The following FAR2 variants were observed in gnomAD, a reference collection of about 807,000 sequenced individuals.
FAR2 encodes the protein epididymis secretory protein Li 81.
Under a neutral mutation model 56.0 loss-of-function variants are expected in FAR2, and 19 were observed. The observed-to-expected ratio is 0.34, with a 90% CI of 0.24 to 0.50. The LOEUF (loss-of-function observed/expected upper bound fraction) is 0.50, where lower values mean the gene tolerates loss of function less well. Among genes scored for constraint, FAR2 ranks in the 20% least tolerant of loss-of-function variants. The pLI, the probability that FAR2 is intolerant of heterozygous loss-of-function variation, is 0.98. For missense variants in FAR2, 508 were observed against 642.2 expected, an observed-to-expected ratio of 0.79 and a Z score of 2.26; for synonymous variants, 219 against 218.8, an observed-to-expected ratio of 1.00 and a Z score of -0.01.
intron 9 of FAR2, among the ~76,000 whole-genome samples, chr12:29,319,063 G>A (rs1002738349): frequency 2.6e-5 from 4 of 151,024 alleles, no homozygotes; most frequent in African/African-American, 7.3e-5. Flanking sequence ...AGATCTCAGC[G>A]CACTGCAACC....
intron 9 of FAR2, among the ~76,000 whole-genome samples, chr12:29,319,082 C>T (rs1299083618): frequency 1.3e-5 from 2 of 151,852 alleles, no homozygotes; most frequent in African/African-American, 4.8e-5. Flanking sequence ...CCTCTGCCTC[C>T]TGGGTTCAAG....
chr12:29,330,602 GAAC>G (rs1236759568), intron 10 of FAR2, among the ~76,000 whole-genome samples: 2 of 152,160 alleles, frequency 1.3e-5, no homozygotes, highest in Non-Finnish European at 2.9e-5. Flanking sequence ...TAGCCTTAGA[GAAC>G]TACTAAATCT....
intron 1 of FAR2, among the ~76,000 whole-genome samples, chr12:29,186,714 T>TTGTGCACA (rs1300166356): frequency 6.6e-6 from 1 of 152,068 alleles, no homozygotes; most frequent in Non-Finnish European, 1.5e-5. Flanking sequence ...CACAAGTTTC[T>TTGTGCACA]AGCCCTTCTT....
intron 1 of FAR2, among the ~76,000 whole-genome samples, chr12:29,202,152 A>G (rs1261615694): frequency 2.6e-5 from 4 of 151,942 alleles, no homozygotes; most frequent in Non-Finnish European, 2.9e-5. Context: ...ATTATTTTCT[A>G]TTAATTATCT....
intron 2 of FAR2, among the ~76,000 whole-genome samples, chr12:29,274,990 C>CT (rs142710010): frequency 1 from 150,385 of 150,390 alleles, 75,190 homozygotes; most frequent in Middle Eastern, 1. Context: ...GGGGACCTCC[C>CT]TGGGAGATCA....
At chr12:29,169,881 G>C (rs1377168764) in intron 1 of FAR2, among the ~76,000 whole-genome samples, 1 of 152,212 alleles carries the variant, frequency 6.6e-6, no homozygotes, top group Non-Finnish European at 1.5e-5. Context: ...GGTATTAGTT[G>C]TATGGCCCTG....
intron 3 of FAR2, among the ~76,000 whole-genome samples, chr12:29,294,642 G>C (rs1949027741): frequency 6.6e-6 from 1 of 152,202 alleles, no homozygotes; most frequent in Non-Finnish European, 1.5e-5. Context: ...GAGCCACTGT[G>C]CCTGGCCATT....
At chr12:29,262,226 AT>A (rs1260380346) in intron 1 of FAR2, among the ~76,000 whole-genome samples, 1 of 152,146 alleles carries the variant, frequency 6.6e-6, no homozygotes, top group Non-Finnish European at 1.5e-5. Context: ...TGTTTATGCA[AT>A]CAGTGTTAAG....
intron 1 of FAR2, among the ~76,000 whole-genome samples, chr12:29,238,309 ATTATT>A (rs941842148): frequency 4.4e-4 from 67 of 152,288 alleles, no homozygotes; most frequent in Middle Eastern, 6.8e-3. Context: ...AAGATGTTAA[ATTATT>A]TTAACACTAA....
At chr12:29,219,644 G>T (rs1250603893) in intron 1 of FAR2, among the ~76,000 whole-genome samples, 1 of 151,950 alleles carries the variant, frequency 6.6e-6, no homozygotes, top group Non-Finnish European at 1.5e-5. Context: ...AAAAAGAGAA[G>T]GAACCATTGA....
At chr12:29,248,269 T>G (rs1423359019) in intron 1 of FAR2, among the ~76,000 whole-genome samples, 3 of 152,186 alleles carry the variant, frequency 2.0e-5, no homozygotes, top group Non-Finnish European at 4.4e-5. Context: ...CCTGCCCCAA[T>G]ATTCACATAA....
chr12:29,296,298 C>T (rs1427423921), intron 3 of FAR2, among the ~76,000 whole-genome samples: 1 of 152,158 alleles, frequency 6.6e-6, no homozygotes, highest in African/African-American at 2.4e-5. Context: ...ATTATTCCTA[C>T]CACTGACGTT....
intron 1 of FAR2, among the ~76,000 whole-genome samples, chr12:29,165,854 G>GA (rs1034457287): frequency 1.3e-5 from 2 of 151,796 alleles, no homozygotes; most frequent in South Asian, 2.1e-4. Context: ...TGGTAATTAA[G>GA]AAAAAAAATA....
At chr12:29,308,203 A>G (rs1949284377) in intron 5 of FAR2, among the ~76,000 whole-genome samples, 1 of 152,220 alleles carries the variant, frequency 6.6e-6, no homozygotes, top group African/African-American at 2.4e-5. Context: ...AGGGTAAACA[A>G]GAGTTTCAAA....
Position 29,310,633 on chromosome 12 carries a change from G to A in FAR2, c.769-395G>A, listed in dbSNP as rs1031000382. On this transcript the variant is annotated intron_variant, in intron 6 of 11. Transcript: ENST00000536681. The stretch of plus-strand genomic sequence containing the variant: ...CCTAGCAGAAAACAAAATCATCAAG[G>A]AAATGGTAAACAAATATTAATGGGA... 5.3e-5 allele frequency among the ~76,000 whole-genome samples: 8 copies of A among 152,076 alleles called. No homozygotes were observed. The South Asian group carries it at 8.3e-4, about 16-fold the overall frequency.
chr12:29,165,863 T>C (rs1463096498), intron 1 of FAR2, among the ~76,000 whole-genome samples: 3 of 152,154 alleles, frequency 2.0e-5, no homozygotes, highest in Admixed American at 6.6e-5. Flanking sequence ...AGAAAAAAAA[T>C]ATAGAACAGA....
At chr12:29,278,236 A>T (rs1325324304) in intron 2 of FAR2, among the ~76,000 whole-genome samples, 2 of 151,740 alleles carry the variant, frequency 1.3e-5, no homozygotes, top group Non-Finnish European at 2.9e-5. Context: ...TGGTTTATAT[A>T]TATTTTCAAT....
At chr12:29,204,723 G>A (rs542394833) in intron 1 of FAR2, among the ~76,000 whole-genome samples, 76 of 152,310 alleles carry the variant, frequency 5.0e-4, no homozygotes, top group Middle Eastern at 3.4e-3. Flanking sequence ...CAATCATGGC[G>A]GAAGGGGAAG....
intron 1 of FAR2, among the ~76,000 whole-genome samples, chr12:29,252,684 G>A (rs1948233002): frequency 6.6e-6 from 1 of 152,180 alleles, no homozygotes; most frequent in South Asian, 2.1e-4. Flanking sequence ...TGGGGAAAGG[G>A]TTAGTGCGTT....
Sources: gnomAD v4.1 joint callset for allele counts (sites outside exome capture counted in the v4.1 genomes callset) on GRCh38, gnomAD v4.1.1 for gene constraint, MANE v1.5 for transcripts, NCBI Gene and HGNC (gene_info 2026-07-23, HGNC 2026-07-21) for gene names.